Variants in SP110 observed in about 807,000 individuals in gnomAD.
The protein encoded by SP110 is interferon-induced protein 41, 30kD.
A neutral mutation model predicts 92.7 loss-of-function variants in SP110; 62 were observed. The ratio of observed to expected loss-of-function variants is 0.67; its 90% CI spans 0.55 to 0.83. SP110 has a LOEUF of 0.83. Among genes scored for constraint, SP110 ranks in the 40% least tolerant of loss-of-function variants. The pLI is 0.00. For synonymous variants in SP110, 273 were observed against 305.3 expected (o/e 0.89, Z 1.10); for missense variants, 793 against 863.9 (o/e 0.92, Z 1.03).
chr2:230,207,552 T>A (rs2044006126), intron 8 of SP110, among the ~76,000 whole-genome samples: 1 of 152,174 alleles, frequency 6.6e-6, no homozygotes, highest in Non-Finnish European at 1.5e-5. Context: ...CTAAGAGTTA[T>A]CCCCCAATAT....
At chr2:230,214,705 AT>A (rs931829147) in intron 3 of SP110, among the ~76,000 whole-genome samples, 4 of 151,946 alleles carry the variant, frequency 2.6e-5, no homozygotes, top group African/African-American at 7.3e-5. Flanking sequence ...AAATTGTATG[AT>A]TTTTTTCCAA....
At position 230,167,105 on chromosome 2, in the gene SP110, CT is replaced by C. The variant is rs34396036; in HGVS notation, c.*2018del. On this transcript the variant is annotated 3_prime_UTR_variant, in exon 19 of 19. Transcript: ENST00000258381. ...GAGCCTATTTCTTTTGTTTTCTTTC[CT>C]TTTTTTTTTTTTTTTTTTGAGGCAG... 0.19 allele frequency: 22,650 copies of C among 119,072 alleles called. 1,783 individuals carry two copies. Among genetic ancestry groups the C allele is most frequent in the Non-Finnish European group, 0.26 (15,116 of 57,292 alleles). 7.4% of individuals were successfully genotyped at this position (119,072 alleles called of 1,614,324 possible).
At chr2:230,202,131 GA>G (rs1299402071) in intron 9 of SP110, among the ~76,000 whole-genome samples, 1 of 151,994 alleles carries the variant, frequency 6.6e-6, no homozygotes, top group Non-Finnish European at 1.5e-5. Context: ...TTTTGTTTTA[GA>G]AAATATATTT....
chr2:230,183,016 A>G (rs529099027), intron 12 of SP110, among the ~76,000 whole-genome samples: 2 of 152,356 alleles, frequency 1.3e-5, no homozygotes, highest in East Asian at 1.9e-4. Flanking sequence ...GATAATGAAT[A>G]AAAAGGGCCA....
At chr2:230,192,684 T>C (rs2042691409) in intron 10 of SP110, among the ~76,000 whole-genome samples, 1 of 152,132 alleles carries the variant, frequency 6.6e-6, no homozygotes, top group Non-Finnish European at 1.5e-5. Context: ...AGAATCAATA[T>C]CTTGGAAATG....
At chr2:230,177,420 C>A in intron 14 of SP110, 118 bp downstream of exon 14, 1 of 1,099,912 alleles carries the variant, frequency 9.1e-7, no homozygotes, top group Non-Finnish European at 1.4e-6. Context: ...GAACATTTAA[C>A]TCCTTATAAA....
chr2:230,177,649 A>T lies in SP110; in HGVS notation c.1479T>A (p.Asp493Glu). 2 of 1,614,142 alleles carry T rather than the reference A, an allele frequency of 1.2e-6. No homozygotes were observed. Among genetic ancestry groups the T allele is most frequent in the South Asian group, 2.2e-5 (2 of 91,080 alleles). ...ATTCATTTGGTGTTAACCAAGTTCCATCCTCATTCCGAATGCACTTCACTG... is the reference window on the plus strand; with the variant it reads ...ATTCATTTGGTGTTAACCAAGTTCCTTCCTCATTCCGAATGCACTTCACTG... ...GSSVKCIRNEDGTWLTPNEFE... is the reference protein window; with the variant it reads ...GSSVKCIRNEEGTWLTPNEFE... Residue 493 changes from aspartate (D) to glutamate (E), a missense_variant, in exon 14 of 19, where the codon GAT (aspartate) becomes GAA (glutamate). Physicochemically the swap from Asp to Glu is conservative, Grantham distance 45 (BLOSUM62 2). Transcript: ENST00000258381.
At chr2:230,178,932 A>G (rs2041991062) in intron 12 of SP110, among the ~76,000 whole-genome samples, 1 of 152,124 alleles carries the variant, frequency 6.6e-6, no homozygotes, top group African/African-American at 2.4e-5. Context: ...TTCCCCTCCA[A>G]CCTCACTATG....
intron 1 of SP110, among the ~76,000 whole-genome samples, chr2:230,219,105 G>A (rs1448261262): frequency 2.6e-5 from 4 of 152,120 alleles, no homozygotes; most frequent in Non-Finnish European, 5.9e-5. Context: ...CACATCTGTA[G>A]TCCCAGTTAC....
In SP110 at chr2:230,166,183, C is replaced by T. The variant is rs539782337; in HGVS notation, c.*2941G>A. ...CTGGGATTACAGGCCTGAGCCACTG[C>T]GCCTGGCAGACCACCTATATTACTT... On this transcript the variant is annotated 3_prime_UTR_variant, in exon 19 of 19. Coordinates refer to ENST00000258381, the MANE Select transcript of SP110 (RefSeq NM_080424.4). 6.6e-5 allele frequency among the ~76,000 whole-genome samples: 10 copies of T among 152,288 alleles called. No homozygotes were observed. Among genetic ancestry groups the T allele is most frequent in the African/African-American group, 2.4e-4 (10 of 41,558 alleles).
rs113260108 is a variant in SP110, at chr2:230,179,335, A to AG, written c.1349-1081dup. Reference sequence around the variant, plus strand: ...AAGGCTAGGCATGGGGGTGGAGGGTAGTGGGGGTGTGGGAACTTACGGTGG... The same window carrying AG: ...AAGGCTAGGCATGGGGGTGGAGGGTAGGTGGGGGTGTGGGAACTTACGGTGG... On this transcript the variant is annotated intron_variant, in intron 12 of 18. Transcript: ENST00000258381. Among the ~76,000 whole-genome samples the AG allele has an allele frequency of 4.7e-3, 712 of 151,530 alleles. 3 individuals carry two copies. The highest frequency in any genetic ancestry group is 0.016 in the African/African-American group (671 of 41,378).
intron 8 of SP110, among the ~76,000 whole-genome samples, chr2:230,206,204 G>C (rs1208006317): frequency 6.6e-6 from 1 of 152,082 alleles, no homozygotes; most frequent in Non-Finnish European, 1.5e-5. Flanking sequence ...TTTACAGCTA[G>C]AGTTGTCTAC....
Position 230,211,987 on chromosome 2 carries a change from A to G in SP110, c.667+360T>C, listed in dbSNP as rs187411095. Among the ~76,000 whole-genome samples the G allele has an allele frequency of 1.1e-4, 16 of 152,296 alleles. No homozygotes were observed. The highest frequency in any genetic ancestry group is 1.0e-3 in the Admixed American group (16 of 15,300). On this transcript the variant is annotated intron_variant, in intron 5 of 18. Coordinates refer to ENST00000258381, the MANE Select transcript of SP110 (RefSeq NM_080424.4). This position sits in a 1 kb window ranked among gnomAD's most constrained non-coding sequence, Gnocchi z 4.2. ...AGAAGCTAAATATTAGGTCTAGCAG[A>G]CCTTTAAACATTTTATCATCTTTTC...
chr2:230,170,856 C>T (rs2078420648), intron 17 of SP110, 95 bp from the exon 18 acceptor site: 1 of 1,309,848 alleles, frequency 7.6e-7, no homozygotes, highest in East Asian at 2.4e-5. Flanking sequence ...TTTCCAGGGT[C>T]ATAATGATAA....
intron 10 of SP110, among the ~76,000 whole-genome samples, chr2:230,190,482 A>G (rs1282584843): frequency 1.3e-5 from 2 of 152,150 alleles, no homozygotes; most frequent in Non-Finnish European, 1.5e-5. Flanking sequence ...GTGGATTGCA[A>G]AATTTTTCTC....
Position 230,209,927 on chromosome 2 carries a change from T to C in SP110, c.829+4A>G. ...GACCTCTACAGAAGAAAGGCTTTTC[T>C]TACCTTTCTTGTCTGAAGGTGTGCT... On this transcript the variant is annotated splice_donor_region_variant and intron_variant, in intron 7 of 18. Transcript: ENST00000258381. 1.3e-6 allele frequency: 2 copies of C among 1,573,072 alleles called. No individual in the cohort carries two copies. The highest frequency in any genetic ancestry group is 2.7e-5 in the African/African-American group (2 of 74,240).
At chr2:230,221,136 C>A (rs1284989071), upstream of SP110, among the ~76,000 whole-genome samples, 1 of 151,642 alleles carries the variant, frequency 6.6e-6, no homozygotes, top group African/African-American at 2.4e-5. Flanking sequence ...CAAAAATTAG[C>A]CAGATGTGGT....
rs747636517 is a variant in SP110, at chr2:230,176,639, A to G, written c.1590+899T>C. On this transcript the variant is annotated intron_variant, in intron 14 of 18. Coordinates refer to ENST00000258381, the MANE Select transcript of SP110 (RefSeq NM_080424.4). ...CCTCCAGACAGGGAAAGTCTGCAAC[A>G]TGGTGACTGAGAGGGTAGTAGAAAT... 12 of 1,613,872 alleles carry G rather than the reference A, an allele frequency of 7.4e-6. No individual in the cohort carries two copies. In the South Asian group the frequency reaches 1.3e-4, roughly 18 times the overall value.
At chr2:230,203,241 C>T (rs187659699) in intron 8 of SP110, 7 of 178,878 alleles carry the variant, frequency 3.9e-5, no homozygotes, top group Admixed American at 2.1e-4. Context: ...GAAGGTGAGG[C>T]TGAGACCCAG....
Sources: gnomAD v4.1 joint callset for allele counts (sites outside exome capture counted in the v4.1 genomes callset) on GRCh38, gnomAD v4.1.1 for gene constraint, Gnocchi (gnomAD v3.1) non-coding constraint, MANE v1.5 for transcripts, NCBI Gene and HGNC (gene_info 2026-07-23, HGNC 2026-07-21) for gene names.